The following PRKN variants were observed in gnomAD, a reference collection of about 807,000 sequenced individuals.
The protein encoded by PRKN is parkin RBR E3 ubiquitin protein ligase, also known as E3 ubiquitin-protein ligase parkin.
In PRKN, 56 loss-of-function variants were observed where a neutral mutation model predicts 59.5. The ratio of observed to expected loss-of-function variants is 0.94; its 90% CI spans 0.76 to 1.18. PRKN has a LOEUF of 1.18. Ranked by LOEUF, PRKN falls within the 50% of genes most tolerant of loss-of-function variation. The pLI, the probability that PRKN is intolerant of heterozygous loss-of-function variation, is 0.00. For synonymous variants in PRKN, 250 were observed against 222.1 expected (o/e 1.13, Z -1.12); for missense variants, 657 against 596.4 (o/e 1.10, Z -1.06).
intron 3 of PRKN, among the ~76,000 whole-genome samples, chr6:162,215,613 C>T (rs995819019): frequency 1.3e-5 from 2 of 152,050 alleles, no homozygotes; most frequent in South Asian, 2.1e-4. Flanking sequence ...CCACCATGTT[C>T]GTGTCATCAT....
In PRKN at chr6:161,704,321, C is replaced by A. The variant is rs866751151; in HGVS notation, c.871+81451G>T. On this transcript the variant is annotated intron_variant, in intron 7 of 11. Transcript: ENST00000366898. Reference sequence around the variant, plus strand: ...TCCCCCCATGAATCAGACTAAAATACCCCACCACTGGTTTGGTCATCCGCT... The same window carrying A: ...TCCCCCCATGAATCAGACTAAAATAACCCACCACTGGTTTGGTCATCCGCT... Among the ~76,000 whole-genome samples the A allele has an allele frequency of 2.6e-5, 4 of 152,196 alleles. No individual in the cohort carries two copies. In the Middle Eastern group the frequency reaches 0.01, roughly 391 times the overall value.
intron 1 of PRKN, among the ~76,000 whole-genome samples, chr6:162,495,331 A>T (rs891040762): frequency 6.6e-6 from 1 of 152,238 alleles, no homozygotes; most frequent in Non-Finnish European, 1.5e-5. Flanking sequence ...AAGTCCATCA[A>T]GAAACCTCAG....
intron 3 of PRKN, among the ~76,000 whole-genome samples, chr6:162,228,758 T>C (rs1460954866): frequency 6.6e-6 from 1 of 152,182 alleles, no homozygotes; most frequent in African/African-American, 2.4e-5. Context: ...TATTGCACTT[T>C]ACATATTGGT....
At chr6:162,296,084 A>C (rs1036914846) in intron 2 of PRKN, among the ~76,000 whole-genome samples, 2 of 152,238 alleles carry the variant, frequency 1.3e-5, no homozygotes, top group Admixed American at 1.3e-4. Flanking sequence ...AAAATTTAAA[A>C]ACAAAAACAA....
At chr6:161,517,739 CAAAAAAAAAAAAAA>C (rs3032892) in intron 9 of PRKN, among the ~76,000 whole-genome samples, 9 of 48,384 alleles carry the variant, frequency 1.9e-4, no homozygotes, top group Non-Finnish European at 2.7e-4. Context: ...GACTCTATCT[CAAAAAAAAAAAAAA>C]AAAAAAAAAA....
intron 7 of PRKN, among the ~76,000 whole-genome samples, chr6:161,650,695 A>G (rs991388952): frequency 9.8e-5 from 15 of 152,300 alleles, no homozygotes; most frequent in South Asian, 4.1e-4. Flanking sequence ...GGCAAATCTC[A>G]TATCTAGGAG....
intron 1 of PRKN, among the ~76,000 whole-genome samples, chr6:162,480,862 G>C (rs995242296): frequency 6.6e-6 from 1 of 152,038 alleles, no homozygotes. Context: ...CTGGAGCGCA[G>C]TGGCACGATC....
intron 7 of PRKN, among the ~76,000 whole-genome samples, chr6:161,746,878 A>G (rs960651661): frequency 6.7e-5 from 10 of 150,278 alleles, no homozygotes; most frequent in Non-Finnish European, 1.5e-4. Context: ...GTATATATCT[A>G]TATCTATATA....
intron 9 of PRKN, among the ~76,000 whole-genome samples, chr6:161,515,284 T>C (rs1199226265): frequency 6.6e-6 from 1 of 152,192 alleles, no homozygotes; most frequent in Non-Finnish European, 1.5e-5. Context: ...TAATTTAAAA[T>C]GAAAACAGCA....
intron 5 of PRKN, among the ~76,000 whole-genome samples, chr6:161,998,649 AAAC>A (rs1442055580): frequency 5.3e-5 from 8 of 152,112 alleles, no homozygotes; most frequent in South Asian, 2.1e-4. Context: ...CATTCCTAAA[AAAC>A]AACAACATTT....
intron 2 of PRKN, among the ~76,000 whole-genome samples, chr6:162,371,470 G>A (rs1028873001): frequency 6.6e-6 from 1 of 151,980 alleles, no homozygotes; most frequent in Non-Finnish European, 1.5e-5. Flanking sequence ...TTTCAAACCC[G>A]GCTTTCTCAC....
intron 2 of PRKN, among the ~76,000 whole-genome samples, chr6:162,317,818 G>A (rs893645532): frequency 6.6e-6 from 1 of 152,058 alleles, no homozygotes; most frequent in African/African-American, 2.4e-5. Flanking sequence ...AGGACAGACA[G>A]ACATGTAATA....
chr6:161,917,825 C>T (rs1360568872), intron 6 of PRKN, among the ~76,000 whole-genome samples: 3 of 152,204 alleles, frequency 2.0e-5, no homozygotes, highest in African/African-American at 4.8e-5. Flanking sequence ...TTCATTTCCA[C>T]GTTTGAACTG....
chr6:162,693,773 G>A (rs532231676), intron 1 of PRKN, among the ~76,000 whole-genome samples: 7 of 152,196 alleles, frequency 4.6e-5, no homozygotes, highest in Admixed American at 1.3e-4. Flanking sequence ...CACTTGAAGA[G>A]GTACATAGTG....
intron 1 of PRKN, among the ~76,000 whole-genome samples, chr6:162,676,019 T>C (rs1295270856): frequency 6.6e-6 from 1 of 152,182 alleles, no homozygotes; most frequent in Admixed American, 6.5e-5. Context: ...ATAACTTTAA[T>C]CTTTTAGAGA....
At position 161,487,420 on chromosome 6, in the gene PRKN, T is replaced by G. The variant is rs1236209023; in HGVS notation, c.1083+61434A>C. On this transcript the variant is annotated intron_variant, in intron 9 of 11. Coordinates refer to ENST00000366898, the MANE Select transcript of PRKN (RefSeq NM_004562.3). This position sits in a 1 kb window ranked among gnomAD's most constrained non-coding sequence, Gnocchi z 5.3. Reference sequence around the variant, plus strand: ...GGCCTGTGGGATGGCAAAGGAATTTTCTAGAACTAAGAGTGTGTGTTGGGA... The same window carrying G: ...GGCCTGTGGGATGGCAAAGGAATTTGCTAGAACTAAGAGTGTGTGTTGGGA... Among the ~76,000 whole-genome samples, 2 of 152,200 alleles carry G rather than the reference T, an allele frequency of 1.3e-5. No individual in the cohort carries two copies. Among genetic ancestry groups the G allele is most frequent in the South Asian group, 2.1e-4 (1 of 4,830 alleles).
At chr6:161,656,327 C>T (rs867885782) in intron 7 of PRKN, among the ~76,000 whole-genome samples, 30 of 152,194 alleles carry the variant, frequency 2.0e-4, no homozygotes, top group African/African-American at 6.8e-4. Flanking sequence ...TGTTCCTCCC[C>T]GTCTTAGGCC....
chr6:161,685,949 T>C (rs990310217), intron 7 of PRKN, among the ~76,000 whole-genome samples: 1 of 152,178 alleles, frequency 6.6e-6, no homozygotes, highest in East Asian at 1.9e-4. Flanking sequence ...GCTCATCATA[T>C]GTTTCCAAAT....
chr6:161,894,956 T>C (rs554182959), intron 6 of PRKN, among the ~76,000 whole-genome samples: 1 of 152,346 alleles, frequency 6.6e-6, no homozygotes, highest in South Asian at 2.1e-4. Context: ...ACCTCCAAAA[T>C]CTGAGGTGGG....
Sources: allele counts gnomAD v4.1 joint callset (sites outside exome capture counted in the v4.1 genomes callset), GRCh38; gene constraint gnomAD v4.1.1; non-coding constraint Gnocchi (gnomAD v3.1); transcripts MANE v1.5; gene names NCBI Gene and HGNC (gene_info 2026-07-23, HGNC 2026-07-21).